Variants in SLC16A12 observed in about 807,000 individuals in gnomAD.
SLC16A12 encodes solute carrier family 16 member 12.
A neutral mutation model predicts 42.4 loss-of-function variants in SLC16A12; 17 were observed. The observed-to-expected ratio is 0.40, with a 90% CI of 0.27 to 0.60. The LOEUF is 0.60. SLC16A12 is among the 20% of genes least tolerant of loss of function. SLC16A12 has a pLI of 0.42. For synonymous variants in SLC16A12, 224 were observed against 229.4 expected, an observed-to-expected ratio of 0.98 and a Z score of 0.21; for missense variants, 544 against 623.0, an observed-to-expected ratio of 0.87 and a Z score of 1.35.
At chr10:89,555,171 A>G (rs1843801941) in intron 2 of SLC16A12, among the ~76,000 whole-genome samples, 1 of 151,740 alleles carries the variant, frequency 6.6e-6, no homozygotes, top group Non-Finnish European at 1.5e-5. Context: ...AGAGGACACA[A>G]TATCTTCTTT....
intron 2 of SLC16A12, among the ~76,000 whole-genome samples, chr10:89,504,358 G>C (rs1172552319): frequency 6.6e-6 from 1 of 152,066 alleles, no homozygotes; most frequent in Non-Finnish European, 1.5e-5. Context: ...CCTGTTCCCT[G>C]GTTCATCAAG....
intron 7 of SLC16A12, 145 bp downstream of exon 7, chr10:89,435,915 T>C: frequency 8.5e-7 from 1 of 1,170,574 alleles, no homozygotes; most frequent in South Asian, 1.4e-5. Flanking sequence ...ACCATGATGG[T>C]TTTGGGGGCT....
At chr10:89,487,871 T>A (rs1249587282) in intron 2 of SLC16A12, among the ~76,000 whole-genome samples, 1 of 147,222 alleles carries the variant, frequency 6.8e-6, no homozygotes, top group Non-Finnish European at 1.5e-5. Context: ...TGCACTTGTA[T>A]GTTTGTTACA....
At chr10:89,486,193 G>T (rs1171710487) in intron 2 of SLC16A12, among the ~76,000 whole-genome samples, 4 of 152,098 alleles carry the variant, frequency 2.6e-5, no homozygotes, top group Admixed American at 2.6e-4. Context: ...TTGGAAGGCA[G>T]TGAGCTCACT....
chr10:89,470,248 C>T (rs899157484), intron 2 of SLC16A12, among the ~76,000 whole-genome samples: 1 of 152,114 alleles, frequency 6.6e-6, no homozygotes, highest in African/African-American at 2.4e-5. Context: ...GAAAGGGAAA[C>T]GGATTTTAAA....
Position 89,432,981 on chromosome 10 carries a change from A to G in SLC16A12, c.*83T>C. ...TTCCTTGGAAGGCAATCCTTCTGCC[A>G]AAATAAAAAGTTTCAGAAACATGAA... is the stretch of plus-strand genomic sequence containing the variant. On this transcript the variant is annotated 3_prime_UTR_variant, in exon 8 of 8. Transcript: ENST00000371790. 6.4e-7 allele frequency: 1 copy of G among 1,565,316 alleles called. No individual in the cohort carries two copies. The highest frequency in any genetic ancestry group is 2.2e-5 in the East Asian group (1 of 44,674).
chr10:89,454,630 T>A (rs1394457345), intron 3 of SLC16A12, among the ~76,000 whole-genome samples: 2 of 152,018 alleles, frequency 1.3e-5, no homozygotes, highest in East Asian at 1.9e-4. Flanking sequence ...ATTTTTTTTT[T>A]AATATCTTTG....
rs112185970 is a variant in SLC16A12 at position 89,436,040 on chromosome 10, G to T, written c.1288+20C>A. On this transcript the variant is annotated intron_variant, in intron 7 of 7. Transcript: ENST00000371790. ...ATGCCAAAGAGAAAAGGTGGTTGGG[G>T]TTTCTCTCTGGAAACTTACCTGCGA... 3.1e-6 allele frequency: 5 copies of T among 1,613,416 alleles called. No individual in the cohort carries two copies.
chr10:89,556,161 G>A (rs952531524), intron 1 of SLC16A12, among the ~76,000 whole-genome samples: 1 of 152,130 alleles, frequency 6.6e-6, no homozygotes, highest in Non-Finnish European at 1.5e-5. Context: ...CAGGCACTGT[G>A]CTAAGCACTT....
chr10:89,455,407 C>G (rs947084407), intron 3 of SLC16A12, among the ~76,000 whole-genome samples: 1 of 152,108 alleles, frequency 6.6e-6, no homozygotes, highest in African/African-American at 2.4e-5. Context: ...ATGAATCAAA[C>G]TTTAGATATA....
At chr10:89,480,345 G>C (rs937779561) in intron 2 of SLC16A12, among the ~76,000 whole-genome samples, 5 of 152,174 alleles carry the variant, frequency 3.3e-5, no homozygotes, top group African/African-American at 1.2e-4. Context: ...AATCTGTCCT[G>C]CTGTGTACAT....
chr10:89,544,616 T>C (rs1261814065), intron 2 of SLC16A12, among the ~76,000 whole-genome samples: 1 of 152,226 alleles, frequency 6.6e-6, no homozygotes, highest in African/African-American at 2.4e-5. Flanking sequence ...AGCAATTCTT[T>C]GGAGAGAAGG....
chr10:89,507,239 C>T (rs1442197962), intron 2 of SLC16A12, among the ~76,000 whole-genome samples: 1 of 152,076 alleles, frequency 6.6e-6, no homozygotes, highest in African/African-American at 2.4e-5. Context: ...CAGAGATATT[C>T]CTCGAGAAGA....
intron 2 of SLC16A12, among the ~76,000 whole-genome samples, chr10:89,498,955 C>G (rs1464178130): frequency 6.6e-6 from 1 of 152,148 alleles, no homozygotes; most frequent in Middle Eastern, 3.2e-3. Context: ...ACGGAACACC[C>G]CATGGGGCAA....
rs569215861 is a variant in SLC16A12 at position 89,436,339 on chromosome 10, G to C, written c.1029-20C>G. ...AGACACCTGTAGATTTGAAGAACAA[G>C]AATAAGTGCAGGAGGTACACATTCT... On this transcript the variant is annotated intron_variant, in intron 6 of 7. Transcript: ENST00000371790. 15 of 1,613,908 alleles carry C rather than the reference G, an allele frequency of 9.3e-6. No homozygotes were observed. The African/African-American group carries it at 1.7e-4, about 19-fold the overall frequency.
chr10:89,509,615 C>G (rs1843130709), intron 2 of SLC16A12, among the ~76,000 whole-genome samples: 1 of 152,148 alleles, frequency 6.6e-6, no homozygotes. Flanking sequence ...CTATTTATGA[C>G]AAACCTACAG....
intron 2 of SLC16A12, among the ~76,000 whole-genome samples, chr10:89,498,408 T>C (rs1042443645): frequency 6.6e-6 from 1 of 152,206 alleles, no homozygotes; most frequent in African/African-American, 2.4e-5. Context: ...TCCCTGTTTA[T>C]GTACAATTGG....
upstream of SLC16A12, among the ~76,000 whole-genome samples, chr10:89,539,296 A>G (rs940585617): frequency 2.0e-5 from 3 of 152,146 alleles, no homozygotes; most frequent in Non-Finnish European, 2.9e-5. Flanking sequence ...GTACCTCCAC[A>G]TGCATTAATA....
chr10:89,486,434 A>G (rs1842741550), intron 2 of SLC16A12, among the ~76,000 whole-genome samples: 1 of 151,938 alleles, frequency 6.6e-6, no homozygotes, highest in Non-Finnish European at 1.5e-5. Context: ...TACGAAATAT[A>G]GAAAAAAATT....
Sources: gnomAD v4.1 joint callset for allele counts (sites outside exome capture counted in the v4.1 genomes callset) on GRCh38, gnomAD v4.1.1 for gene constraint, MANE v1.5 for transcripts, NCBI Gene and HGNC (gene_info 2026-07-23, HGNC 2026-07-21) for gene names.